The following ULK2 variants were observed in gnomAD, a reference collection of about 807,000 sequenced individuals.
The protein encoded by ULK2 is unc-51 like autophagy activating kinase 2, also known as serine/threonine-protein kinase ULK2.
Under a neutral mutation model 127.5 loss-of-function variants are expected in ULK2, and 76 were observed. That is an observed-to-expected ratio of 0.60 (90% CI 0.50 to 0.72). ULK2 has a LOEUF of 0.72. ULK2 is among the 30% of genes least tolerant of loss of function. The pLI is 0.00. For synonymous variants in ULK2, 452 were observed against 461.9 expected (o/e 0.98, Z 0.28); for missense variants, 1,144 against 1,295.9 (o/e 0.88, Z 1.80).
chr17:19,780,457 CT>C lies in ULK2; in HGVS notation c.2916+14del, dbSNP rs1396482399. 1 of 1,601,322 alleles carries C rather than the reference CT, an allele frequency of 6.2e-7. No individual in the cohort carries two copies. The highest frequency in any genetic ancestry group is 8.5e-7 in the Non-Finnish European group (1 of 1,174,514). ...TAAGTAGTACTATACAATATTAAAC[CT>C]TAGAAAGGGTTACCATTTCTACAGC... On this transcript the variant is annotated intron_variant, in intron 25 of 26. Coordinates refer to ENST00000395544, the MANE Select transcript of ULK2 (RefSeq NM_014683.4).
chr17:19,788,754 G>A (rs774773938), intron 20 of ULK2, among the ~76,000 whole-genome samples: 2 of 152,264 alleles, frequency 1.3e-5, no homozygotes, highest in South Asian at 4.1e-4. Context: ...AGCACATGCT[G>A]ACTGAAGAGC....
At chr17:19,814,692 G>A (rs1337004232) in intron 13 of ULK2, among the ~76,000 whole-genome samples, 3 of 151,742 alleles carry the variant, frequency 2.0e-5, no homozygotes, top group African/African-American at 7.3e-5. Flanking sequence ...GACTACAGGT[G>A]TGCACCACCA....
In ULK2 at chr17:19,795,673, G is replaced by A. The variant is rs767299513; in HGVS notation, c.2050C>T (p.Arg684Ter). ...SDQQGKTPIC[R>*]HQGSTDSLNT... The stretch of plus-strand genomic sequence containing the variant: ...AAACTGTCTGTGCTGCCCTGATGTC[G>A]ACATATAGGAGTCTTTCCTTGTTGA... Residue 684 changes from arginine to a stop codon, truncating the protein, a stop_gained, in exon 20 of 27, where the codon CGA becomes TGA. Transcript: ENST00000395544. LOFTEE classifies it high-confidence loss of function. 8 of 1,613,872 alleles carry A rather than the reference G, an allele frequency of 5.0e-6. No individual in the cohort carries two copies. The highest frequency in any genetic ancestry group is 1.7e-5 in the Admixed American group (1 of 59,996).
intron 3 of ULK2, among the ~76,000 whole-genome samples, chr17:19,856,977 CAAAAAAAAAAAA>C (rs1157706276): frequency 9.8e-4 from 21 of 21,324 alleles, no homozygotes; most frequent in South Asian, 3.8e-3. Context: ...ACTCCATCTC[CAAAAAAAAAAAA>C]AAAAAAAAAA....
intron 20 of ULK2, among the ~76,000 whole-genome samples, chr17:19,792,426 C>T (rs1003334735): frequency 6.6e-6 from 1 of 152,192 alleles, no homozygotes; most frequent in Non-Finnish European, 1.5e-5. Context: ...CCTCTTCTGC[C>T]CTTCTGCCTT....
intron 10 of ULK2, among the ~76,000 whole-genome samples, chr17:19,831,683 C>T (rs956170775): frequency 7.9e-5 from 12 of 151,140 alleles, no homozygotes; most frequent in Non-Finnish European, 7.4e-5. Context: ...ACAAATTAGC[C>T]GGGCGTGGTG....
rs774517384 is a variant in ULK2 at position 19,846,726 on chromosome 17, T to G, written c.469+11A>C. The G allele has an allele frequency of 6.3e-7, 1 of 1,590,790 alleles. No individual in the cohort carries two copies. Among genetic ancestry groups the G allele is most frequent in the African/African-American group, 1.4e-5 (1 of 73,916 alleles). On this transcript the variant is annotated intron_variant, in intron 6 of 26. Coordinates refer to ENST00000395544, the MANE Select transcript of ULK2 (RefSeq NM_014683.4). ...AATGTCCTTTCCATGACACAATACATGGCCATTTACCTATTTTGATGCGAA... is the reference window on the plus strand; with the variant it reads ...AATGTCCTTTCCATGACACAATACAGGGCCATTTACCTATTTTGATGCGAA...
chr17:19,815,738 GTAAA>G (rs1160671605), intron 13 of ULK2, among the ~76,000 whole-genome samples: 40 of 151,944 alleles, frequency 2.6e-4, no homozygotes, highest in South Asian at 2.1e-4. Flanking sequence ...ATTACTTTTG[GTAAA>G]TAAATAAAAC....
chr17:19,857,880 A>G (rs2042165777), intron 3 of ULK2, among the ~76,000 whole-genome samples: 1 of 151,884 alleles, frequency 6.6e-6, no homozygotes, highest in Non-Finnish European at 1.5e-5. Flanking sequence ...CAGTTCCTCA[A>G]ACTCAGTGAT....
chr17:19,820,527 T>C (rs1349076621), intron 12 of ULK2, among the ~76,000 whole-genome samples: 1 of 152,226 alleles, frequency 6.6e-6, no homozygotes, highest in Non-Finnish European at 1.5e-5. Flanking sequence ...GGAAAAGGCC[T>C]ATATTTGAGC....
chr17:19,854,901 C>G (rs1452084307), intron 3 of ULK2, among the ~76,000 whole-genome samples: 1 of 151,236 alleles, frequency 6.6e-6, no homozygotes, highest in Non-Finnish European at 1.5e-5. Flanking sequence ...GAGTTCAAGA[C>G]CAGCCTGGCC....
In ULK2 at chr17:19,852,697, C is replaced by A. The variant is rs189283199; in HGVS notation, c.226-2923G>T. Among the ~76,000 whole-genome samples, 351 of 150,228 alleles carry A rather than the reference C, an allele frequency of 2.3e-3. 14 individuals carry two copies. In the East Asian group the frequency reaches 0.058, roughly 25 times the overall value. ...CCAGGCTGGAGTGCAGTGGCGCAAT[C>A]TCAGCTCACTGCAAGCTCCACCTCC... is the stretch of plus-strand genomic sequence containing the variant. On this transcript the variant is annotated intron_variant, in intron 3 of 26. Coordinates refer to ENST00000395544, the MANE Select transcript of ULK2 (RefSeq NM_014683.4).
At chr17:19,790,212 T>C (rs1253066154) in intron 20 of ULK2, among the ~76,000 whole-genome samples, 2 of 151,562 alleles carry the variant, frequency 1.3e-5, no homozygotes, top group African/African-American at 4.9e-5. Context: ...AGGACAGGAG[T>C]TCGAGACTAT....
intron 10 of ULK2, 25 bp from the exon 11 acceptor site, chr17:19,826,211 C>A (rs780395940): frequency 2.2e-6 from 3 of 1,379,572 alleles, no homozygotes; most frequent in East Asian, 5.3e-5. Context: ...GAGAATGCAA[C>A]CTTTAAAGAG....
In ULK2 at chr17:19,781,029, C is replaced by A. The variant is rs1638522; in HGVS notation, c.2715G>T (p.Gln905His). The change falls in exon 24 of 27, where the codon CAG becomes CAT. Residue 905 changes from glutamine to histidine, a missense_variant. By Grantham distance (24) the Gln-to-His change is conservative (BLOSUM62 0). Transcript: ENST00000395544. ...ATGGGCTCAGTTTCCCGGACTTGATCTGGGCTTTGGCAAGATGCAGAGAAG... is the reference window on the plus strand; with the variant it reads ...ATGGGCTCAGTTTCCCGGACTTGATATGGGCTTTGGCAAGATGCAGAGAAG... Reference protein sequence around the residue: ...LAASLHLAKAQIKSGKLSPST... With the variant: ...LAASLHLAKAHIKSGKLSPST... 1 of 1,613,944 alleles carries A rather than the reference C, an allele frequency of 6.2e-7. No homozygotes were observed. Among genetic ancestry groups the A allele is most frequent in the Non-Finnish European group, 8.5e-7 (1 of 1,180,026 alleles).
Position 19,783,829 on chromosome 17 carries a change from G to A in ULK2, c.2328C>T (p.Gly776=). Residue 776 remains glycine, a synonymous_variant, in exon 22 of 27, where the codon GGC becomes GGT. Transcript: ENST00000395544. ...CTGCTCCTGGAGGGGAAGAGCCGAA[G>A]CCTGGGCCAGGCGGGGACCCCACGC... ...RVCVGSPPGP[G]FGSSPPGAEA... 1.2e-6 allele frequency: 2 copies of A among 1,600,908 alleles called. No homozygotes were observed. The highest frequency in any genetic ancestry group is 2.7e-5 in the African/African-American group (2 of 74,550).
At chr17:19,798,624 T>C (rs2087326171) in intron 17 of ULK2, among the ~76,000 whole-genome samples, 1 of 152,224 alleles carries the variant, frequency 6.6e-6, no homozygotes, top group Non-Finnish European at 1.5e-5. Context: ...TTTATAAAAA[T>C]AAATTTGTGT....
chr17:19,801,561 GAC>G lies in ULK2; in HGVS notation c.1441+214_1441+215del, dbSNP rs1438650083. ...ATGCCCCCTGCACTCCAGCCTGGGC[GAC>G]AGAGTGAGACCTTGTCTCAAATAGA... On this transcript the variant is annotated intron_variant, in intron 16 of 26. Transcript: ENST00000395544. Among the ~76,000 whole-genome samples, 2 of 152,086 alleles carry G rather than the reference GAC, an allele frequency of 1.3e-5. 1 individual carries two copies.
intron 25 of ULK2, among the ~76,000 whole-genome samples, chr17:19,779,531 C>CAAAAAAAAAAAAAAAAAAA (rs55957234): frequency 7.4e-5 from 5 of 67,998 alleles, no homozygotes; most frequent in Non-Finnish European, 8.3e-5. Flanking sequence ...AACTCCATCT[C>CAAAAAAAAAAAAAAAAAAA]AAAAAAAAAA....
Sources: allele counts gnomAD v4.1 joint callset (sites outside exome capture counted in the v4.1 genomes callset), GRCh38; gene constraint gnomAD v4.1.1; transcripts MANE v1.5; gene names NCBI Gene and HGNC (gene_info 2026-07-23, HGNC 2026-07-21).